Variants in RALGAPA2 observed in about 807,000 individuals in gnomAD.
The protein encoded by RALGAPA2 is ral GTPase-activating protein subunit alpha-2.
In RALGAPA2, 139 loss-of-function variants were observed where a neutral mutation model predicts 230.4. The observed-to-expected ratio is 0.60, with a 90% CI of 0.53 to 0.69. RALGAPA2 has a LOEUF of 0.69. Among genes scored for constraint, RALGAPA2 ranks in the 30% least tolerant of loss-of-function variants. The pLI is 0.00. For missense variants in RALGAPA2, 2,163 were observed against 2,276.0 expected, an observed-to-expected ratio of 0.95 and a Z score of 1.01; for synonymous variants, 847 against 837.8, an observed-to-expected ratio of 1.01 and a Z score of -0.19.
At chr20:20,661,940 C>T (rs1487699687) in intron 3 of RALGAPA2, among the ~76,000 whole-genome samples, 1 of 152,056 alleles carries the variant, frequency 6.6e-6, no homozygotes, top group African/African-American at 2.4e-5. Context: ...AATAACATAG[C>T]ATGAAAATAA....
intron 33 of RALGAPA2, among the ~76,000 whole-genome samples, chr20:20,509,114 T>C (rs1401620123): frequency 6.6e-6 from 1 of 152,194 alleles, no homozygotes; most frequent in Non-Finnish European, 1.5e-5. Context: ...TATTTAATAC[T>C]GAAGGAAGGA....
chr20:20,506,507 C>T (rs899530634), intron 33 of RALGAPA2, among the ~76,000 whole-genome samples: 5 of 152,118 alleles, frequency 3.3e-5, no homozygotes, highest in African/African-American at 7.2e-5. Flanking sequence ...GCTTTGATTA[C>T]GAATCATTCA....
chr20:20,482,825 T>C (rs967272890), intron 36 of RALGAPA2, among the ~76,000 whole-genome samples: 3 of 152,088 alleles, frequency 2.0e-5, no homozygotes, highest in East Asian at 1.9e-4. Context: ...CGGAAATGCA[T>C]ACAGATAAGA....
chr20:20,700,001 T>G (rs1010205632), intron 1 of RALGAPA2, among the ~76,000 whole-genome samples: 1 of 152,034 alleles, frequency 6.6e-6, no homozygotes, highest in Non-Finnish European at 1.5e-5. Context: ...AAAAAACACA[T>G]GCACTCATAT....
chr20:20,494,068 CAAT>C (rs199972869), intron 36 of RALGAPA2, among the ~76,000 whole-genome samples: 50 of 152,112 alleles, frequency 3.3e-4, no homozygotes, highest in African/African-American at 1.2e-3. Context: ...ACAACAGCAA[CAAT>C]AATAATAATA....
At chr20:20,677,491 G>A (rs1002525950) in intron 2 of RALGAPA2, among the ~76,000 whole-genome samples, 5 of 152,044 alleles carry the variant, frequency 3.3e-5, no homozygotes, top group Admixed American at 2.0e-4. Context: ...GCACACAAGC[G>A]GGACAGTTGG....
chr20:20,408,133 C>T (rs892302388), intron 38 of RALGAPA2, among the ~76,000 whole-genome samples: 3 of 152,212 alleles, frequency 2.0e-5, no homozygotes, highest in African/African-American at 4.8e-5. Flanking sequence ...AGGAACCATA[C>T]GTAGTATTGG....
At position 20,473,016 on chromosome 20, in the gene RALGAPA2, T is replaced by C; in HGVS notation, c.5368-60A>G. ...ACTGATAAAAGTCAAATCAAAGATA[T>C]GAGAGTAGCTGACTGATGTCAGACC... On this transcript the variant is annotated intron_variant, in intron 36 of 39. Coordinates refer to ENST00000202677, the MANE Select transcript of RALGAPA2 (RefSeq NM_020343.4). The C allele has an allele frequency of 4.0e-6, 6 of 1,510,306 alleles. No individual in the cohort carries two copies. The Admixed American group carries it at 9.5e-5, about 24-fold the overall frequency. The allele number at this position is 1,510,306 out of a possible 1,614,324, so 93.6% of individuals were successfully genotyped here.
chr20:20,548,906 G>A (rs1231648163), intron 23 of RALGAPA2, among the ~76,000 whole-genome samples: 2 of 152,224 alleles, frequency 1.3e-5, no homozygotes, highest in African/African-American at 4.8e-5. Flanking sequence ...GTTGACATAT[G>A]TTGCAATGAA....
intron 14 of RALGAPA2, among the ~76,000 whole-genome samples, chr20:20,607,562 T>C (rs977978047): frequency 6.6e-6 from 1 of 152,188 alleles, no homozygotes; most frequent in Non-Finnish European, 1.5e-5. Flanking sequence ...TTTGAGGCCA[T>C]TGCCATAACG....
At chr20:20,582,402 A>G (rs938525414) in intron 20 of RALGAPA2, among the ~76,000 whole-genome samples, 9 of 152,130 alleles carry the variant, frequency 5.9e-5, no homozygotes, top group African/African-American at 2.2e-4. Context: ...CTGGAAGCCG[A>G]CCCAGAAAGT....
At chr20:20,546,031 G>C (rs949075259) in intron 24 of RALGAPA2, among the ~76,000 whole-genome samples, 1 of 152,218 alleles carries the variant, frequency 6.6e-6, no homozygotes, top group Non-Finnish European at 1.5e-5. Context: ...GACAGCACCA[G>C]TGCGCTTCAG....
chr20:20,519,288 C>T (rs1248214692), intron 31 of RALGAPA2, among the ~76,000 whole-genome samples: 7 of 152,218 alleles, frequency 4.6e-5, no homozygotes, highest in Non-Finnish European at 1.0e-4. Flanking sequence ...TAAGCCCTTG[C>T]TCATGACTGT....
At chr20:20,478,626 T>A (rs376666681) in intron 36 of RALGAPA2, among the ~76,000 whole-genome samples, 4 of 151,742 alleles carry the variant, frequency 2.6e-5, no homozygotes, top group Non-Finnish European at 5.9e-5. Context: ...AGCTAAACAT[T>A]GAGTACTCAT....
At chr20:20,429,415 C>T (rs1392515074) in intron 37 of RALGAPA2, among the ~76,000 whole-genome samples, 1 of 152,094 alleles carries the variant, frequency 6.6e-6, no homozygotes, top group Non-Finnish European at 1.5e-5. Flanking sequence ...AAGAGTAGCA[C>T]AAAACTGGCC....
chr20:20,634,433 G>A (rs1416214415), intron 9 of RALGAPA2, among the ~76,000 whole-genome samples: 1 of 151,938 alleles, frequency 6.6e-6, no homozygotes, highest in Admixed American at 6.6e-5. Context: ...GTCTTTCATT[G>A]TTCTTACTGT....
At chr20:20,709,604 C>T (rs997526606) in intron 1 of RALGAPA2, among the ~76,000 whole-genome samples, 1 of 152,166 alleles carries the variant, frequency 6.6e-6, no homozygotes, top group East Asian at 1.9e-4. Context: ...AACAGCTCTT[C>T]GTTCTTCCTC....
At chr20:20,477,136 G>T (rs1327930897) in intron 36 of RALGAPA2, among the ~76,000 whole-genome samples, 1 of 152,164 alleles carries the variant, frequency 6.6e-6, no homozygotes, top group African/African-American at 2.4e-5. Flanking sequence ...ATCTGGGGTG[G>T]TATTACACAA....
At chr20:20,555,207 C>T (rs1292732836) in intron 23 of RALGAPA2, among the ~76,000 whole-genome samples, 1 of 152,190 alleles carries the variant, frequency 6.6e-6, no homozygotes, top group Non-Finnish European at 1.5e-5. Flanking sequence ...TGTCTTTGCA[C>T]CCTTGTCAAA....
Sources: gnomAD v4.1 joint callset for allele counts (sites outside exome capture counted in the v4.1 genomes callset) on GRCh38, gnomAD v4.1.1 for gene constraint, MANE v1.5 for transcripts, NCBI Gene and HGNC (gene_info 2026-07-23, HGNC 2026-07-21) for gene names.